Variants in LIN52 observed in about 807,000 individuals in gnomAD.
The protein encoded by LIN52 is lin-52 DREAM MuvB core complex component, also known as protein lin-52 homolog.
A neutral mutation model predicts 18.5 loss-of-function variants in LIN52; 4 were observed. The ratio of observed to expected loss-of-function variants is 0.22; its 90% CI spans 0.11 to 0.49. The LOEUF (loss-of-function observed/expected upper bound fraction) is 0.49. LIN52 is among the 20% of genes least tolerant of loss of function. The pLI, the probability that LIN52 is intolerant of heterozygous loss-of-function variation, is 0.97. For synonymous variants in LIN52, 34 were observed against 45.5 expected, an observed-to-expected ratio of 0.75 and a Z score of 1.02; for missense variants, 102 against 139.5, an observed-to-expected ratio of 0.73 and a Z score of 1.35.
At chr14:74,116,118 C>T (rs1488781087) in intron 5 of LIN52, among the ~76,000 whole-genome samples, 1 of 152,086 alleles carries the variant, frequency 6.6e-6, no homozygotes, top group Non-Finnish European at 1.5e-5. Context: ...CCCTGGCCAA[C>T]ATGGTGAAAC....
chr14:74,176,312 A>C (rs1419126014), intron 5 of LIN52, among the ~76,000 whole-genome samples: 1 of 152,048 alleles, frequency 6.6e-6, no homozygotes, highest in African/African-American at 2.4e-5. Context: ...GGGTTTCACC[A>C]TGTTGGCCAG....
intron 4 of LIN52, among the ~76,000 whole-genome samples, chr14:74,098,154 C>T (rs2060828035): frequency 6.6e-6 from 1 of 152,008 alleles, no homozygotes; most frequent in African/African-American, 2.4e-5. Context: ...TAAATTTTTT[C>T]ATTTAATTCC....
rs191603306 is a variant in LIN52, at chr14:74,123,100, T to A, written c.283+21862T>A. ...AAACTATTAACTGTTGTTACTCTTA[T>A]GAGCAGCATATGAGAAATTTTAAGC... On this transcript the variant is annotated intron_variant, in intron 5 of 5. Coordinates refer to ENST00000555028, the MANE Select transcript of LIN52 (RefSeq NM_001024674.3). Among the ~76,000 whole-genome samples the A allele has an allele frequency of 1.9e-3, 295 of 152,334 alleles. 2 individuals carry two copies. Among genetic ancestry groups the A allele is most frequent in the African/African-American group, 6.8e-3 (284 of 41,576 alleles).
At chr14:74,174,130 G>A (rs1430281607) in intron 5 of LIN52, among the ~76,000 whole-genome samples, 1 of 152,166 alleles carries the variant, frequency 6.6e-6, no homozygotes, top group Non-Finnish European at 1.5e-5. Context: ...GCTTTATTGA[G>A]ATATTTTCCA....
chr14:74,177,026 T>C (rs1194028761), intron 5 of LIN52, among the ~76,000 whole-genome samples: 1 of 152,090 alleles, frequency 6.6e-6, no homozygotes, highest in Non-Finnish European at 1.5e-5. Flanking sequence ...GAGACTGAGT[T>C]TCCCTCTTGT....
intron 5 of LIN52, among the ~76,000 whole-genome samples, chr14:74,171,925 A>G (rs1056581293): frequency 1.3e-5 from 2 of 151,910 alleles, no homozygotes; most frequent in African/African-American, 4.8e-5. Flanking sequence ...TTTTTAGTGG[A>G]TATGGGATTT....
chr14:74,095,186 C>T lies in LIN52; in HGVS notation c.95-762C>T, dbSNP rs529991092. ...TTTTTTTTTGAGACAGGGTCTTCCT[C>T]TGTTGCCCAGTTTGGAGTGCAGTGG... On this transcript the variant is annotated intron_variant, in intron 2 of 5. Transcript: ENST00000555028. Among the ~76,000 whole-genome samples, 264 of 133,268 alleles carry T rather than the reference C, an allele frequency of 2.0e-3. 2 individuals are homozygous for T. Among genetic ancestry groups the T allele is most frequent in the African/African-American group, 7.5e-3 (254 of 33,952 alleles). The allele number at this position is 133,268 out of a possible 152,430, so 87.4% of individuals were successfully genotyped here.
chr14:74,087,541 T>C (rs2060742327), intron 1 of LIN52, among the ~76,000 whole-genome samples: 1 of 152,136 alleles, frequency 6.6e-6, no homozygotes, highest in African/African-American at 2.4e-5. Flanking sequence ...CCTCTCCACC[T>C]AATGTTTTCT....
intron 5 of LIN52, among the ~76,000 whole-genome samples, chr14:74,180,298 A>G (rs1201112049): frequency 7.6e-6 from 1 of 131,598 alleles, no homozygotes; most frequent in Non-Finnish European, 1.6e-5. Context: ...CGGAGCCTCA[A>G]TCTGTCACCC....
intron 5 of LIN52, among the ~76,000 whole-genome samples, chr14:74,176,143 G>T (rs1317328651): frequency 1.3e-5 from 2 of 152,128 alleles, no homozygotes; most frequent in South Asian, 2.1e-4. Context: ...AATACCTCCT[G>T]TAGGAGCTGC....
chr14:74,197,251 T>A (rs993253682), intron 5 of LIN52, among the ~76,000 whole-genome samples: 1 of 152,200 alleles, frequency 6.6e-6, no homozygotes, highest in African/African-American at 2.4e-5. Context: ...AGTCAACACT[T>A]ACTCAGCAGA....
At chr14:74,105,081 T>C (rs1246989158) in intron 5 of LIN52, among the ~76,000 whole-genome samples, 3 of 151,994 alleles carry the variant, frequency 2.0e-5, no homozygotes, top group East Asian at 1.9e-4. Context: ...TCTTTTTCTT[T>C]CTTTATTAGT....
intron 3 of LIN52, 28 bp from the exon 4 acceptor site, chr14:74,097,766 T>A: frequency 6.5e-7 from 1 of 1,527,572 alleles, no homozygotes; most frequent in Non-Finnish European, 9.1e-7. Flanking sequence ...TTTTTATGTG[T>A]CTGAATGGAT....
intron 4 of LIN52, among the ~76,000 whole-genome samples, chr14:74,099,291 C>A (rs2060837747): frequency 6.6e-6 from 1 of 151,856 alleles, no homozygotes; most frequent in Non-Finnish European, 1.5e-5. Context: ...AAAAAAAACA[C>A]CTTTATTTGA....
In LIN52 at chr14:74,201,119, A is replaced by G. The variant is rs1470296963; in HGVS notation, c.*2142A>G. ...TTAGAAATGTTAATGATGTATTTTT[A>G]TATTGATAATATAAATTTATGTACA... On this transcript the variant is annotated 3_prime_UTR_variant, in exon 6 of 6. Transcript: ENST00000555028. 1 of 152,222 alleles carries G rather than the reference A, an allele frequency of 6.6e-6. No individual in the cohort carries two copies. Among genetic ancestry groups the G allele is most frequent in the Non-Finnish European group, 1.5e-5 (1 of 68,040 alleles). 9.4% of individuals were successfully genotyped at this position (152,222 alleles called of 1,614,324 possible).
chr14:74,113,821 C>T (rs985850585), intron 5 of LIN52, among the ~76,000 whole-genome samples: 2 of 151,940 alleles, frequency 1.3e-5, no homozygotes, highest in Non-Finnish European at 2.9e-5. Flanking sequence ...CAAACCATAG[C>T]CTTACCACTG....
intron 5 of LIN52, among the ~76,000 whole-genome samples, chr14:74,180,114 T>C (rs2061311854): frequency 6.6e-6 from 1 of 152,144 alleles, no homozygotes; most frequent in Non-Finnish European, 1.5e-5. Flanking sequence ...TGAAATAGGT[T>C]CTGTTCCTGA....
chr14:74,134,658 T>A (rs2061087652), intron 5 of LIN52, among the ~76,000 whole-genome samples: 1 of 152,182 alleles, frequency 6.6e-6, no homozygotes, highest in Non-Finnish European at 1.5e-5. Context: ...TTTCTTAGAA[T>A]TAAAACACAG....
At chr14:74,181,796 C>T (rs184452827) in intron 5 of LIN52, among the ~76,000 whole-genome samples, 250 of 152,236 alleles carry the variant, frequency 1.6e-3, no homozygotes, top group African/African-American at 5.7e-3. Context: ...AGTTTACTAG[C>T]GGTTATTTCT....
Sources: allele counts gnomAD v4.1 joint callset (sites outside exome capture counted in the v4.1 genomes callset), GRCh38; gene constraint gnomAD v4.1.1; transcripts MANE v1.5; gene names NCBI Gene and HGNC (gene_info 2026-07-23, HGNC 2026-07-21).